Variants in EFCAB6 observed in about 807,000 individuals in gnomAD.
The protein encoded by EFCAB6 is EF-hand calcium binding domain 6.
A neutral mutation model predicts 169.8 loss-of-function variants in EFCAB6; 156 were observed. The ratio of observed to expected loss-of-function variants is 0.92; its 90% CI spans 0.81 to 1.05. The LOEUF (loss-of-function observed/expected upper bound fraction) is 1.05. Among genes scored for constraint, EFCAB6 ranks in the 50% least tolerant of loss-of-function variants. EFCAB6 has a pLI of 0.00. For missense variants in EFCAB6, 1,800 were observed against 1,829.1 expected (o/e 0.98, Z 0.29); for synonymous variants, 698 against 676.4 (o/e 1.03, Z -0.50).
intron 5 of EFCAB6, among the ~76,000 whole-genome samples, chr22:43,763,717 T>C (rs5763988): frequency 0.13 from 19,800 of 152,218 alleles, 1,388 homozygotes; most frequent in South Asian, 0.24. Flanking sequence ...TTGGCTTTTG[T>C]GGGTTTTTTT....
intron 22 of EFCAB6, among the ~76,000 whole-genome samples, chr22:43,601,231 A>G (rs2052501293): frequency 6.6e-6 from 1 of 152,192 alleles, no homozygotes; most frequent in Non-Finnish European, 1.5e-5. Flanking sequence ...CTGAATTAGA[A>G]CTCATTAAAA....
intron 26 of EFCAB6, among the ~76,000 whole-genome samples, chr22:43,559,990 T>G (rs1004891673): frequency 2.0e-5 from 3 of 152,176 alleles, no homozygotes; most frequent in Admixed American, 2.0e-4. Flanking sequence ...GTAACAAACC[T>G]GCATGTTCTG....
intron 4 of EFCAB6, among the ~76,000 whole-genome samples, chr22:43,770,746 T>C (rs778279142): frequency 6.6e-6 from 1 of 151,478 alleles, no homozygotes; most frequent in Non-Finnish European, 1.5e-5. Context: ...AGTGGGACAA[T>C]ATCAAAATGT....
chr22:43,586,540 G>T (rs2051086926), intron 24 of EFCAB6, among the ~76,000 whole-genome samples: 1 of 151,746 alleles, frequency 6.6e-6, no homozygotes, highest in Admixed American at 6.6e-5. Flanking sequence ...TGTCAGCATG[G>T]CTCAATTATA....
In EFCAB6 at chr22:43,544,484, T is replaced by G. The variant is rs527850262; in HGVS notation, c.3649-4127A>C. ...CTGCCTGCAAGGTGGAAGGAAGGAA[T>G]TAGCCCAGGTGGTGATCAGCTCTTC... On this transcript the variant is annotated intron_variant, in intron 27 of 31. Transcript: ENST00000262726. Among the ~76,000 whole-genome samples, 4 of 152,230 alleles carry G rather than the reference T, an allele frequency of 2.6e-5. 1 individual carries two copies. Among genetic ancestry groups the G allele is most frequent in the African/African-American group, 9.6e-5 (4 of 41,530 alleles).
intron 10 of EFCAB6, among the ~76,000 whole-genome samples, chr22:43,703,924 GA>G (rs34758670): frequency 0.29 from 43,208 of 151,568 alleles, 7,108 homozygotes; most frequent in East Asian, 0.63. Context: ...AGAAGCAGAA[GA>G]AAAAAAGCCT....
rs370849182 is a variant in EFCAB6 at position 43,678,038 on chromosome 22, G to A, written c.1377C>T (p.Val459=). Residue 459 remains valine (V), a synonymous_variant, in exon 13 of 32, where the codon GTC becomes GTT. Transcript: ENST00000262726. ...QMLDPGDTGV[V]NTSMFIDLIE... ...TCAGATCAATAAACATGCTGGTGTT[G>A]ACCACTCCAGTGTCCCCAGGGTCAA... is the stretch of plus-strand genomic sequence containing the variant. 3 of 1,613,962 alleles carry A rather than the reference G, an allele frequency of 1.9e-6. No individual in the cohort carries two copies. The highest frequency in any genetic ancestry group is 8.5e-7 in the Non-Finnish European group (1 of 1,179,984).
At chr22:43,530,158 G>A (rs923057017) in intron 31 of EFCAB6, among the ~76,000 whole-genome samples, 5 of 152,306 alleles carry the variant, frequency 3.3e-5, no homozygotes, top group Non-Finnish European at 1.5e-5. Context: ...CCAGCACCAC[G>A]CCCGAATTCC....
chr22:43,729,026 A>G (rs2059840397), intron 8 of EFCAB6, among the ~76,000 whole-genome samples: 1 of 152,162 alleles, frequency 6.6e-6, no homozygotes, highest in Non-Finnish European at 1.5e-5. Flanking sequence ...TTCTTTCAAG[A>G]AGCTTTTTAC....
At chr22:43,766,338 C>G (rs1409566991) in intron 4 of EFCAB6, among the ~76,000 whole-genome samples, 48 of 151,864 alleles carry the variant, frequency 3.2e-4, no homozygotes, top group Admixed American at 3.1e-3. Flanking sequence ...TGGCCCCCCT[C>G]AAGTGTTTTT....
Position 43,716,887 on chromosome 22 carries a change from G to C in EFCAB6, c.843C>G (p.Asn281Lys), listed in dbSNP as rs1246960693. The C allele has an allele frequency of 1.2e-6, 2 of 1,603,300 alleles. No homozygotes were observed. The highest frequency in any genetic ancestry group is 2.3e-5 in the East Asian group (1 of 44,422). Residue 281 changes from asparagine to lysine, a missense_variant, in exon 9 of 32, where the codon AAC (asparagine) becomes AAG (lysine). Coordinates refer to ENST00000262726, the MANE Select transcript of EFCAB6 (RefSeq NM_022785.4). The stretch of plus-strand genomic sequence containing the variant: ...TCCTCTCAATTTCATCCAAGGAGTA[G>C]TTTCTCCAGATATCTTCAGATGATG... ...GSASSEDIWR[N>K]YSLDEIERNF...
At chr22:43,603,224 AAAGG>A (rs1448667368) in intron 22 of EFCAB6, among the ~76,000 whole-genome samples, 1 of 152,226 alleles carries the variant, frequency 6.6e-6, no homozygotes, top group East Asian at 1.9e-4. Context: ...ATTCTCATCC[AAAGG>A]AACAGAAGAC....
rs1312397340 is a variant in EFCAB6 at position 43,534,748 on chromosome 22, CAGG to C, written c.4170_4172del (p.Leu1392del). 6.2e-7 allele frequency: 1 copy of C among 1,613,694 alleles called. No individual in the cohort carries two copies. Among genetic ancestry groups the C allele is most frequent in the South Asian group, 1.1e-5 (1 of 90,922 alleles). On this transcript the variant is annotated inframe_deletion, in exon 30 of 32. Transcript: ENST00000262726. ...TCAGTGAGCTTTCCTTTGCTTTTAG[CAGG>C]AGGACACAGCTCTGAATGAAGTCAC...
At chr22:43,534,299 G>A (rs961625380) in intron 30 of EFCAB6, among the ~76,000 whole-genome samples, 5 of 152,146 alleles carry the variant, frequency 3.3e-5, no homozygotes, top group African/African-American at 4.8e-5. Flanking sequence ...CATGTAAGAC[G>A]TGCTTGCCTC....
At chr22:43,738,759 A>G (rs1265402657) in intron 6 of EFCAB6, among the ~76,000 whole-genome samples, 2 of 151,968 alleles carry the variant, frequency 1.3e-5, no homozygotes, top group African/African-American at 4.8e-5. Context: ...CTCCTGCTTT[A>G]CTGACAACCT....
chr22:43,537,367 C>G lies in EFCAB6; in HGVS notation c.4048+10G>C, dbSNP rs2147037362. The G allele has an allele frequency of 6.2e-7, 1 of 1,613,790 alleles. No homozygotes were observed. The highest frequency in any genetic ancestry group is 8.5e-7 in the Non-Finnish European group (1 of 1,179,778). ...CCACATATTACCAAGCAGATAGAATCTGAACGAACCCAGGAAATCGGAGGC... is the reference window on the plus strand; with the variant it reads ...CCACATATTACCAAGCAGATAGAATGTGAACGAACCCAGGAAATCGGAGGC... On this transcript the variant is annotated intron_variant, in intron 29 of 31. Coordinates refer to ENST00000262726, the MANE Select transcript of EFCAB6 (RefSeq NM_022785.4). This position sits in a 1 kb window ranked among gnomAD's most constrained non-coding sequence, Gnocchi z 4.3.
chr22:43,651,672 C>T (rs2056475758), intron 17 of EFCAB6, among the ~76,000 whole-genome samples: 1 of 152,214 alleles, frequency 6.6e-6, no homozygotes, highest in South Asian at 2.1e-4. Context: ...CAATGTCAGC[C>T]CATGAAAGCA....
chr22:43,569,235 A>G (rs1237391595), intron 26 of EFCAB6, among the ~76,000 whole-genome samples: 2 of 152,258 alleles, frequency 1.3e-5, no homozygotes, highest in Admixed American at 6.5e-5. Context: ...GACTTGGGAG[A>G]AAGTTTGAAC....
chr22:43,529,973 G>A (rs1162295888), intron 31 of EFCAB6, among the ~76,000 whole-genome samples: 5 of 152,208 alleles, frequency 3.3e-5, no homozygotes, highest in African/African-American at 4.8e-5. Context: ...GAGGAGACTG[G>A]AAAGCAGGGC....
Sources: gnomAD v4.1 joint callset for allele counts (sites outside exome capture counted in the v4.1 genomes callset) on GRCh38, gnomAD v4.1.1 for gene constraint, Gnocchi (gnomAD v3.1) non-coding constraint, MANE v1.5 for transcripts, NCBI Gene and HGNC (gene_info 2026-07-23, HGNC 2026-07-21) for gene names.